ITGBL1: variants seen among roughly 807,000 people sequenced by gnomAD.
The protein encoded by ITGBL1 is integrin beta-like protein 1.
ITGBL1 carries 51 observed loss-of-function variants against 68.5 expected under a neutral mutation model. The ratio of observed to expected loss-of-function variants is 0.74; its 90% CI spans 0.59 to 0.94. The LOEUF (loss-of-function observed/expected upper bound fraction) is 0.94. ITGBL1 is among the 40% of genes least tolerant of loss of function. The probability of loss-of-function intolerance (pLI) is 0.00; values close to 1 mark genes in which losing one functional copy is unlikely to be tolerated. For missense variants in ITGBL1, 649 were observed against 647.4 expected (o/e 1.00, Z -0.03); for synonymous variants, 209 against 227.3 (o/e 0.92, Z 0.72).
chr13:101,575,538 T>G lies in ITGBL1; in HGVS notation c.578T>G (p.Ile193Arg). Residue 193 changes from isoleucine to arginine, a missense_variant, in exon 4 of 11, where the codon ATA becomes AGA. Transcript: ENST00000376180. ...RECIDDETEE[I>R]CGGHGKCYCG... ...TGCATAGACGATGAAACAGAAGAAA[T>G]ATGTGGAGGTATGTATATTGGCTCT... 5 of 1,611,762 alleles carry G rather than the reference T, an allele frequency of 3.1e-6. No individual in the cohort carries two copies. The highest frequency in any genetic ancestry group is 4.2e-6 in the Non-Finnish European group (5 of 1,178,344).
downstream of ITGBL1, chr13:101,719,767 C>G (rs989735837): frequency 3.3e-5 from 5 of 152,116 alleles, no homozygotes; most frequent in Middle Eastern, 3.4e-3. Flanking sequence ...GTACAAAACA[C>G]ACAGTCTAAA....
chr13:101,542,306 G>T (rs775381483), intron 2 of ITGBL1, among the ~76,000 whole-genome samples: 1 of 152,072 alleles, frequency 6.6e-6, no homozygotes, highest in Non-Finnish European at 1.5e-5. Flanking sequence ...CCTTCATTTC[G>T]TGATGTACCC....
At chr13:101,604,859 T>TAC (rs2030604901) in intron 7 of ITGBL1, among the ~76,000 whole-genome samples, 2 of 16,980 alleles carry the variant, frequency 1.2e-4, no homozygotes, top group Non-Finnish European at 2.7e-4. Flanking sequence ...TATATATATA[T>TAC]ATATATATAT....
At chr13:101,548,666 C>A (rs1323981974) in intron 2 of ITGBL1, among the ~76,000 whole-genome samples, 3 of 151,700 alleles carry the variant, frequency 2.0e-5, no homozygotes, top group Non-Finnish European at 4.4e-5. Context: ...ATTGTCTTCA[C>A]TATTTAACTA....
chr13:101,514,394 A>G (rs1594858245), intron 2 of ITGBL1, among the ~76,000 whole-genome samples: 1 of 152,120 alleles, frequency 6.6e-6, no homozygotes, highest in Non-Finnish European at 1.5e-5. Flanking sequence ...TCACTTTAGA[A>G]GTGCATAAAC....
intron 2 of ITGBL1, among the ~76,000 whole-genome samples, chr13:101,538,578 G>C (rs374693985): frequency 6.6e-6 from 1 of 151,486 alleles, no homozygotes; most frequent in Non-Finnish European, 1.5e-5. Flanking sequence ...AACATAACAC[G>C]AACATAATAA....
intron 7 of ITGBL1, among the ~76,000 whole-genome samples, chr13:101,634,941 GGTGTGTGTGT>G (rs59309809): frequency 4.8e-5 from 7 of 145,806 alleles, no homozygotes; most frequent in Non-Finnish European, 7.6e-5. Flanking sequence ...ATAAGCAAAA[GGTGTGTGTGT>G]GTGTGTGTGT....
chr13:101,651,747 G>T (rs1594955201), intron 7 of ITGBL1, among the ~76,000 whole-genome samples: 1 of 148,650 alleles, frequency 6.7e-6, no homozygotes, highest in East Asian at 2.0e-4. Flanking sequence ...TTTTTGCCCG[G>T]GTCTATGTCC....
At chr13:101,531,564 G>A (rs1431349242) in intron 2 of ITGBL1, among the ~76,000 whole-genome samples, 1 of 148,072 alleles carries the variant, frequency 6.8e-6, no homozygotes, top group Non-Finnish European at 1.5e-5. Flanking sequence ...AGGGGTAGTT[G>A]GTTTCTGGAA....
intron 6 of ITGBL1, among the ~76,000 whole-genome samples, chr13:101,588,396 C>T (rs926009891): frequency 3.3e-5 from 5 of 151,952 alleles, no homozygotes; most frequent in African/African-American, 9.7e-5. Context: ...TCAAGACAAA[C>T]AGCACCATGC....
chr13:101,669,128 A>G (rs974313583), intron 7 of ITGBL1, among the ~76,000 whole-genome samples: 1 of 152,214 alleles, frequency 6.6e-6, no homozygotes, highest in African/African-American at 2.4e-5. Flanking sequence ...AAAAAAGTAT[A>G]AGCATGGGAA....
At chr13:101,554,202 G>T (rs1041759133) in intron 2 of ITGBL1, among the ~76,000 whole-genome samples, 1 of 152,124 alleles carries the variant, frequency 6.6e-6, no homozygotes, top group Non-Finnish European at 1.5e-5. Context: ...CTGTGGTACT[G>T]GGGTCTAAGT....
chr13:101,573,848 G>A (rs1177059409), intron 3 of ITGBL1, among the ~76,000 whole-genome samples: 5 of 151,992 alleles, frequency 3.3e-5, no homozygotes, highest in African/African-American at 9.7e-5. Flanking sequence ...CAGCTTCCTT[G>A]GTTCCTTCCC....
intron 2 of ITGBL1, among the ~76,000 whole-genome samples, chr13:101,462,495 G>A (rs1442931527): frequency 1.3e-5 from 2 of 152,184 alleles, no homozygotes; most frequent in African/African-American, 4.8e-5. Flanking sequence ...CTGGCTGTTG[G>A]TATGCTCCAT....
intron 2 of ITGBL1, among the ~76,000 whole-genome samples, chr13:101,544,252 T>C (rs2049772850): frequency 6.6e-6 from 1 of 152,196 alleles, no homozygotes; most frequent in Admixed American, 6.5e-5. Context: ...CCTTTCTGTT[T>C]GTTAGTTTTC....
intron 1 of ITGBL1, 54 bp from the exon 2 acceptor site, chr13:101,453,829 A>C: frequency 8.6e-7 from 1 of 1,164,644 alleles, no homozygotes; most frequent in Non-Finnish European, 1.1e-6. Context: ...GGTTCGGAGC[A>C]GGGGGCGGCG....
At chr13:101,567,117 T>C (rs2050194178) in intron 2 of ITGBL1, among the ~76,000 whole-genome samples, 1 of 152,160 alleles carries the variant, frequency 6.6e-6, no homozygotes, top group Non-Finnish European at 1.5e-5. Flanking sequence ...GCAAAATGAC[T>C]ATTGAGAACA....
At chr13:101,618,496 A>G (rs2031455132) in intron 7 of ITGBL1, among the ~76,000 whole-genome samples, 2 of 152,200 alleles carry the variant, frequency 1.3e-5, no homozygotes, top group South Asian at 2.1e-4. Context: ...CAGAATCCCA[A>G]TTCAAACAAC....
intron 2 of ITGBL1, among the ~76,000 whole-genome samples, chr13:101,466,519 G>T (rs1177500213): frequency 1.3e-5 from 2 of 152,002 alleles, no homozygotes; most frequent in Non-Finnish European, 2.9e-5. Flanking sequence ...CTCTTTAATG[G>T]CATGCTGACC....
Sources: allele counts gnomAD v4.1 joint callset (sites outside exome capture counted in the v4.1 genomes callset), GRCh38; gene constraint gnomAD v4.1.1; transcripts MANE v1.5; gene names NCBI Gene and HGNC (gene_info 2026-07-23, HGNC 2026-07-21).